The following SYNPR variants were observed in gnomAD, a reference collection of about 807,000 sequenced individuals.
SYNPR encodes the protein synaptoporin.
Under a neutral mutation model 32.9 loss-of-function variants are expected in SYNPR, and 23 were observed. The ratio of observed to expected loss-of-function variants is 0.70; its 90% CI spans 0.50 to 0.99. The LOEUF is 0.99. SYNPR is among the 50% of genes least tolerant of loss of function. The probability of loss-of-function intolerance (pLI) is 0.00; values close to 1 mark genes in which losing one functional copy is unlikely to be tolerated. For synonymous variants in SYNPR, 146 were observed against 135.9 expected (o/e 1.07, Z -0.52); for missense variants, 318 against 349.3 (o/e 0.91, Z 0.71).
intron 3 of SYNPR, among the ~76,000 whole-genome samples, chr3:63,512,998 G>A (rs1449892783): frequency 6.6e-6 from 1 of 152,042 alleles, no homozygotes; most frequent in Non-Finnish European, 1.5e-5. Flanking sequence ...TACCACAAAT[G>A]TCTAGATCTG....
chr3:63,278,845 G>A lies in SYNPR; in HGVS notation c.84+103G>A. On this transcript the variant is annotated intron_variant, in intron 2 of 5. Coordinates refer to ENST00000478300, the MANE Select transcript of SYNPR (RefSeq NM_001130003.2). ...CTGCTCAGTTCTGCTCCAAGCCGGA[G>A]ATTCAACCCTCAAGCCGGGGATTTC... 3 of 1,270,676 alleles carry A rather than the reference G, an allele frequency of 2.4e-6. No individual in the cohort carries two copies. The Admixed American group carries it at 6.8e-5, about 29-fold the overall frequency. The allele number at this position is 1,270,676 out of a possible 1,614,324, so 78.7% of individuals were successfully genotyped here. A position where few individuals can be genotyped will look rare whatever the true frequency, so the allele number is the denominator to read the frequency against.
chr3:63,390,756 TC>T (rs1355898136), intron 2 of SYNPR, among the ~76,000 whole-genome samples: 1 of 152,208 alleles, frequency 6.6e-6, no homozygotes, highest in African/African-American at 2.4e-5. Flanking sequence ...CCCACATTGT[TC>T]CTTTGGCCTG....
chr3:63,405,935 ACT>A (rs1003134801), intron 2 of SYNPR, among the ~76,000 whole-genome samples: 6 of 152,066 alleles, frequency 3.9e-5, no homozygotes, highest in African/African-American at 1.4e-4. Context: ...TATGATAGAC[ACT>A]CTGTCATTGC....
intron 2 of SYNPR, among the ~76,000 whole-genome samples, chr3:63,298,028 G>A (rs1019591916): frequency 3.3e-5 from 5 of 152,170 alleles, no homozygotes; most frequent in African/African-American, 1.2e-4. Context: ...AGGAAAGCGG[G>A]CTAGGGAACT....
At chr3:63,395,014 C>T (rs569762047) in intron 2 of SYNPR, among the ~76,000 whole-genome samples, 8 of 152,110 alleles carry the variant, frequency 5.3e-5, no homozygotes, top group East Asian at 1.9e-4. Flanking sequence ...TGAAAAGCAG[C>T]GTGCTCCCTT....
intron 2 of SYNPR, among the ~76,000 whole-genome samples, chr3:63,338,880 C>T (rs2087328372): frequency 6.6e-6 from 1 of 152,228 alleles, no homozygotes; most frequent in South Asian, 2.1e-4. Context: ...TCCTTCAACT[C>T]TTACTCAATG....
intron 3 of SYNPR, among the ~76,000 whole-genome samples, chr3:63,519,878 G>T (rs941731335): frequency 6.6e-6 from 1 of 152,108 alleles, no homozygotes; most frequent in African/African-American, 2.4e-5. Context: ...AACCAAAAAA[G>T]AAAGTATAAA....
chr3:63,589,669 G>C (rs918158145), intron 4 of SYNPR, among the ~76,000 whole-genome samples: 1 of 150,706 alleles, frequency 6.6e-6, no homozygotes, highest in African/African-American at 2.4e-5. Context: ...ATCAATAAAT[G>C]TAATCCAGCA....
Position 63,318,977 on chromosome 3 carries a change from T to C in SYNPR, c.84+40235T>C, listed in dbSNP as rs541109147. Among the ~76,000 whole-genome samples, 46 of 152,132 alleles carry C rather than the reference T, an allele frequency of 3.0e-4. No individual in the cohort carries two copies. In the South Asian group the frequency reaches 9.5e-3, roughly 32 times the overall value. Reference sequence around the variant, plus strand: ...CCCTTGACGTAGTACTCTCCCCCTTTCCTATGGATGTGGCTTCCTGTGAGC... The same window carrying C: ...CCCTTGACGTAGTACTCTCCCCCTTCCCTATGGATGTGGCTTCCTGTGAGC... On this transcript the variant is annotated intron_variant, in intron 2 of 5. Transcript: ENST00000478300.
At chr3:63,501,414 T>C (rs1701475948) in intron 3 of SYNPR, among the ~76,000 whole-genome samples, 1 of 148,600 alleles carries the variant, frequency 6.7e-6, no homozygotes, top group Non-Finnish European at 1.5e-5. Flanking sequence ...GGGAGGTTAA[T>C]GCTGCAGTAA....
chr3:63,344,937 G>A (rs1415324982), intron 2 of SYNPR, among the ~76,000 whole-genome samples: 1 of 152,152 alleles, frequency 6.6e-6, no homozygotes, highest in Non-Finnish European at 1.5e-5. Context: ...GACCAGATAA[G>A]CCAGTTTCTT....
the SYNPR span, among the ~76,000 whole-genome samples, chr3:63,207,180 T>C: frequency 1.8e-4 from 27 of 152,216 alleles, no homozygotes; most frequent in Non-Finnish European, 3.4e-4. Context: ...TAATGGGTGA[T>C]GAATGAGGTG....
At chr3:63,489,143 G>C (rs1238581194) in intron 3 of SYNPR, among the ~76,000 whole-genome samples, 1 of 152,080 alleles carries the variant, frequency 6.6e-6, no homozygotes, top group African/African-American at 2.4e-5. Context: ...AGACAGGGAA[G>C]GGAAGAAAGC....
chr3:63,562,078 G>A (rs1702700384), intron 4 of SYNPR, among the ~76,000 whole-genome samples: 1 of 152,148 alleles, frequency 6.6e-6, no homozygotes, highest in African/African-American at 2.4e-5. Context: ...CTCTCAGAAA[G>A]CAGAAATGTC....
intron 4 of SYNPR, among the ~76,000 whole-genome samples, chr3:63,565,549 G>T (rs887312297): frequency 6.6e-6 from 1 of 152,126 alleles, no homozygotes; most frequent in Non-Finnish European, 1.5e-5. Context: ...TGAGGGAGGG[G>T]CCCTCATGGT....
At chr3:63,225,675 A>C (rs1444967488), upstream of SYNPR, among the ~76,000 whole-genome samples, 1 of 152,160 alleles carries the variant, frequency 6.6e-6, no homozygotes, top group Non-Finnish European at 1.5e-5. Flanking sequence ...GACTAAATGT[A>C]AGGCTTGAAA....
At chr3:63,587,426 C>T (rs1703206557) in intron 4 of SYNPR, among the ~76,000 whole-genome samples, 2 of 152,096 alleles carry the variant, frequency 1.3e-5, no homozygotes, top group Admixed American at 6.6e-5. Flanking sequence ...GCCACAGATA[C>T]CAACTATTCC....
At chr3:63,405,623 T>A (rs2088349696) in intron 2 of SYNPR, among the ~76,000 whole-genome samples, 1 of 151,982 alleles carries the variant, frequency 6.6e-6, no homozygotes, top group Admixed American at 6.5e-5. Flanking sequence ...AGCAAGAGTG[T>A]GAGATGATCA....
chr3:63,514,199 T>C (rs146899558), intron 3 of SYNPR, among the ~76,000 whole-genome samples: 214 of 152,324 alleles, frequency 1.4e-3, no homozygotes, highest in African/African-American at 4.9e-3. Flanking sequence ...TATGGCCTTT[T>C]ACATGTGCAA....
Sources: allele counts gnomAD v4.1 joint callset (sites outside exome capture counted in the v4.1 genomes callset), GRCh38; gene constraint gnomAD v4.1.1; transcripts MANE v1.5; gene names NCBI Gene and HGNC (gene_info 2026-07-23, HGNC 2026-07-21).